Variants in ZFHX3 observed in about 807,000 individuals in gnomAD.
The protein encoded by ZFHX3 is zinc finger homeobox 3.
ZFHX3 carries 42 observed loss-of-function variants against 279.1 expected under a neutral mutation model. The observed-to-expected ratio is 0.15, with a 90% CI of 0.12 to 0.19. ZFHX3 has a LOEUF of 0.19. Among genes scored for constraint, ZFHX3 ranks in the 10% least tolerant of loss-of-function variants. The pLI is 1.00. For missense variants in ZFHX3, 4,981 were observed against 4,754.0 expected (o/e 1.05, Z -1.40); for synonymous variants, 2,293 against 1,957.8 (o/e 1.17, Z -4.52).
intron 3 of ZFHX3, among the ~76,000 whole-genome samples, chr16:72,944,496 A>G (rs1960566095): frequency 6.6e-6 from 1 of 152,264 alleles, no homozygotes. Context: ...CACTTTAAAA[A>G]TCATTGGAAA....
At chr16:73,849,532 G>C (rs1217091475) in intron 1 of ZFHX3, among the ~76,000 whole-genome samples, 1 of 152,158 alleles carries the variant, frequency 6.6e-6, no homozygotes, top group African/African-American at 2.4e-5. Flanking sequence ...AGAGATAACA[G>C]GGCCTCCAGG....
intron 4 of ZFHX3, among the ~76,000 whole-genome samples, chr16:73,310,167 A>G (rs1398071130): frequency 1.3e-5 from 2 of 151,928 alleles, no homozygotes; most frequent in Non-Finnish European, 2.9e-5. Flanking sequence ...TTGGACTCCC[A>G]AAGTGCTGGG....
At chr16:73,680,039 T>G (rs1028139139) in intron 2 of ZFHX3, 1 of 152,200 alleles carries the variant, frequency 6.6e-6, no homozygotes, top group Non-Finnish European at 1.5e-5. Flanking sequence ...TTCCTCATTT[T>G]TATGTGCTAC....
intron 1 of ZFHX3, among the ~76,000 whole-genome samples, chr16:72,967,521 GAA>G (rs142879328): frequency 0.024 from 3,718 of 152,076 alleles, 150 homozygotes; most frequent in African/African-American, 0.085. Flanking sequence ...AATAAACGTA[GAA>G]AAAGAGTATG....
chr16:73,118,616 AACTTATTTAATC>A (rs1205808672), intron 7 of ZFHX3, among the ~76,000 whole-genome samples: 1 of 152,170 alleles, frequency 6.6e-6, no homozygotes, highest in African/African-American at 2.4e-5. Context: ...GGGGGTAGAT[AACTTATTTAATC>A]ACAGGTCACT....
chr16:73,026,128 C>T (rs997463488), intron 1 of ZFHX3, among the ~76,000 whole-genome samples: 3 of 140,940 alleles, frequency 2.1e-5, no homozygotes, highest in African/African-American at 5.4e-5. Flanking sequence ...GGGTGGATCC[C>T]ATGAGGTCAG....
chr16:73,216,855 C>T (rs2012227916), intron 5 of ZFHX3, among the ~76,000 whole-genome samples: 1 of 152,116 alleles, frequency 6.6e-6, no homozygotes, highest in South Asian at 2.1e-4. Flanking sequence ...CTCTAATTTT[C>T]TAATTCAGGA....
At chr16:73,713,242 C>T (rs908025847) in intron 1 of ZFHX3, among the ~76,000 whole-genome samples, 8 of 152,176 alleles carry the variant, frequency 5.3e-5, no homozygotes, top group South Asian at 2.1e-4. Context: ...GAGGCCTCTC[C>T]GGAACATGCA....
chr16:73,703,962 C>G (rs905483540), intron 1 of ZFHX3, among the ~76,000 whole-genome samples: 1 of 152,158 alleles, frequency 6.6e-6, no homozygotes, highest in Non-Finnish European at 1.5e-5. Context: ...TCTCATCACG[C>G]CCACCTATAC....
chr16:73,749,324 C>T (rs2053736009), intron 1 of ZFHX3, among the ~76,000 whole-genome samples: 1 of 150,682 alleles, frequency 6.6e-6, no homozygotes, highest in South Asian at 2.1e-4. Flanking sequence ...CCGATAATAT[C>T]GCAACCACCA....
At chr16:73,269,854 T>C (rs1567435748) in intron 4 of ZFHX3, among the ~76,000 whole-genome samples, 2 of 152,186 alleles carry the variant, frequency 1.3e-5, no homozygotes, top group Admixed American at 6.5e-5. Context: ...GTTCAAGCGA[T>C]TCTCCTGCCT....
intron 2 of ZFHX3, among the ~76,000 whole-genome samples, chr16:73,486,141 T>C (rs1414406339): frequency 6.6e-6 from 1 of 152,226 alleles, no homozygotes; most frequent in Non-Finnish European, 1.5e-5. Flanking sequence ...TAAGGCTGAT[T>C]CATGCTGACT....
chr16:73,543,170 G>T (rs746381848), intron 2 of ZFHX3, among the ~76,000 whole-genome samples: 13 of 152,158 alleles, frequency 8.5e-5, no homozygotes, highest in Non-Finnish European at 1.3e-4. Flanking sequence ...TGAGGTTTAT[G>T]ACTTCATTAG....
At chr16:73,408,655 T>G (rs2017409990) in intron 3 of ZFHX3, among the ~76,000 whole-genome samples, 1 of 152,184 alleles carries the variant, frequency 6.6e-6, no homozygotes, top group African/African-American at 2.4e-5. Flanking sequence ...CTAGCTGAAC[T>G]TGGGGCCCTC....
chr16:73,568,890 G>T (rs920611907), intron 2 of ZFHX3, among the ~76,000 whole-genome samples: 1 of 152,102 alleles, frequency 6.6e-6, no homozygotes, highest in African/African-American at 2.4e-5. Context: ...ACAGACAGCC[G>T]TGGGTGAGCT....
intron 1 of ZFHX3, among the ~76,000 whole-genome samples, chr16:73,038,748 T>C (rs909674333): frequency 2.6e-5 from 4 of 151,606 alleles, no homozygotes; most frequent in South Asian, 2.1e-4. Context: ...TGCTAGCACA[T>C]TACCATGCTC....
intron 3 of ZFHX3, among the ~76,000 whole-genome samples, chr16:73,337,546 T>C (rs2015937678): frequency 1.3e-5 from 2 of 152,242 alleles, no homozygotes; most frequent in African/African-American, 2.4e-5. Context: ...CAGCCATTGA[T>C]CACCTTGCAT....
intron 3 of ZFHX3, among the ~76,000 whole-genome samples, chr16:73,337,898 G>GC (rs2015947664): frequency 7.0e-6 from 1 of 142,690 alleles, no homozygotes; most frequent in Non-Finnish European, 1.6e-5. Context: ...TTGGCGGGGG[G>GC]GGGGGTCCTC....
intron 1 of ZFHX3, among the ~76,000 whole-genome samples, chr16:73,767,755 T>A (rs558885907): frequency 6.6e-6 from 1 of 152,188 alleles, no homozygotes; most frequent in Non-Finnish European, 1.5e-5. Context: ...TTATGAGCTA[T>A]GTGATCTGCG....
Sources: allele counts gnomAD v4.1 joint callset (sites outside exome capture counted in the v4.1 genomes callset), GRCh38; gene constraint gnomAD v4.1.1; transcripts MANE v1.5; gene names NCBI Gene and HGNC (gene_info 2026-07-23, HGNC 2026-07-21).